Variants in TSSK3 observed in about 807,000 individuals in gnomAD.
TSSK3 encodes the protein testis-specific serine/threonine-protein kinase 3.
In TSSK3, 16 loss-of-function variants were observed where a neutral mutation model predicts 18.9. The observed-to-expected ratio is 0.85, with a 90% confidence interval of 0.57 to 1.28. The LOEUF is 1.28. TSSK3 is among the 50% of genes most tolerant of loss of function. The pLI is 0.00. For missense variants in TSSK3, 345 were observed against 341.0 expected, an observed-to-expected ratio of 1.01 and a Z score of -0.09; for synonymous variants, 146 against 133.9, an observed-to-expected ratio of 1.09 and a Z score of -0.62.
rs533051967 is a variant in TSSK3, at chr1:32,363,517, T to C, written c.146-78T>C. On this transcript the variant is annotated intron_variant, in intron 1 of 1. Coordinates refer to ENST00000373534, the MANE Select transcript of TSSK3 (RefSeq NM_052841.4). ...AAGACCCAGACAAGGTGGGCAGAAG[T>C]TGGAAGGCAGGAGACAGGTGTGAGG... 1.1e-4 allele frequency: 160 copies of C among 1,423,750 alleles called. No individual in the cohort carries two copies. The African/African-American group carries it at 1.9e-3, about 16-fold the overall frequency. The allele number at this position is 1,423,750 out of a possible 1,614,324, so 88.2% of individuals were successfully genotyped here. A position where few individuals can be genotyped will look rare whatever the true frequency, so the allele number is the denominator to read the frequency against.
In TSSK3 at chr1:32,363,592, C is replaced by G; in HGVS notation, c.146-3C>G. ...CCCATCTCTCCTCCCCTTACTTCCT[C>G]AGAGTTTATCCAGAGATTCCTCCCT... is the stretch of plus-strand genomic sequence containing the variant. On this transcript the variant is annotated splice_region_variant and splice_polypyrimidine_tract_variant and intron_variant, in intron 1 of 1. Coordinates refer to ENST00000373534, the MANE Select transcript of TSSK3 (RefSeq NM_052841.4). The G allele has an allele frequency of 3.7e-6, 6 of 1,605,438 alleles. No homozygotes were observed. The highest frequency in any genetic ancestry group is 5.1e-6 in the Non-Finnish European group (6 of 1,173,834).
Position 32,364,081 on chromosome 1 carries a change from A to T in TSSK3, c.632A>T (p.Asp211Val). ...YVMLCASLPF[D>V]DTDIPKMLWQ... ...ATGCTCTGTGCCAGCCTACCTTTTG[A>T]CGACACAGACATCCCCAAGATGCTG... Residue 211 changes from aspartate to valine, a missense_variant, in exon 2 of 2, where the codon GAC becomes GTC. By Grantham distance (152) the Asp-to-Val change is radical. Coordinates refer to ENST00000373534, the MANE Select transcript of TSSK3 (RefSeq NM_052841.4). 6.2e-7 allele frequency: 1 copy of T among 1,614,192 alleles called. No homozygotes were observed.
rs757567247 is a variant in TSSK3, at chr1:32,363,755, T to TG, written c.312dup (p.Pro105AlafsTer4). The TG allele has an allele frequency of 1.9e-5, 30 of 1,614,038 alleles. No homozygotes were observed. Among genetic ancestry groups the TG allele is most frequent in the Middle Eastern group, 3.3e-4 (2 of 6,084 alleles). ...GGGATGTCTTTGACTGCGTGCTGAA[T>TG]GGGGGGCCACTGCCTGAAAGCCGGG... On this transcript the variant is annotated frameshift_variant, in exon 2 of 2. Coordinates refer to ENST00000373534, the MANE Select transcript of TSSK3 (RefSeq NM_052841.4). LOFTEE classifies it high-confidence loss of function.
Position 32,362,768 on chromosome 1 carries a change from A to C in TSSK3, c.67A>C (p.Lys23Gln). 1 of 1,614,162 alleles carries C rather than the reference A, an allele frequency of 6.2e-7. No individual in the cohort carries two copies. Among genetic ancestry groups the C allele is most frequent in the Non-Finnish European group, 8.5e-7 (1 of 1,180,014 alleles). ...GKTIGEGTYSKVKEAFSKKHQ... is the reference protein window; with the variant it reads ...GKTIGEGTYSQVKEAFSKKHQ... ...GACCATTGGGGAAGGGACCTACTCA[A>C]AAGTCAAAGAAGCATTTTCCAAAAA... is the stretch of plus-strand genomic sequence containing the variant. The change falls in exon 1 of 2, where the codon AAA becomes CAA. Residue 23 changes from lysine to glutamine, a missense_variant. Lys to Gln is a moderately conservative substitution (Grantham distance 53, BLOSUM62 1). Coordinates refer to ENST00000373534, the MANE Select transcript of TSSK3 (RefSeq NM_052841.4).
chr1:32,362,848 T>G lies in TSSK3; in HGVS notation c.145+2T>G. The stretch of plus-strand genomic sequence containing the variant: ...TAGACAAGATGGGAGGGCCAGAAGG[T>G]GAGCCGGGGCCCCTTTGGAGGGAAG... On this transcript the variant is annotated splice_donor_variant, in intron 1 of 1. Transcript: ENST00000373534. LOFTEE classifies it high-confidence loss of function. 1 of 1,613,940 alleles carries G rather than the reference T, an allele frequency of 6.2e-7. No homozygotes were observed. The highest frequency in any genetic ancestry group is 8.5e-7 in the Non-Finnish European group (1 of 1,179,944).
chr1:32,364,142 T>C lies in TSSK3; in HGVS notation c.693T>C (p.His231=). ...QQQKGVSFPT[H]LSISADCQDL... is the part of the protein sequence containing the mutation. ...AGAAGGGGGTGTCCTTCCCCACTCATCTGAGCATCTCGGCCGATTGCCAGG... is the reference window on the plus strand; with the variant it reads ...AGAAGGGGGTGTCCTTCCCCACTCACCTGAGCATCTCGGCCGATTGCCAGG... Residue 231 remains histidine, a synonymous_variant, in exon 2 of 2, where the codon CAT becomes CAC. Transcript: ENST00000373534. 6.2e-7 allele frequency: 1 copy of C among 1,614,180 alleles called. No homozygotes were observed. The highest frequency in any genetic ancestry group is 8.5e-7 in the Non-Finnish European group (1 of 1,180,020).
intron 1 of TSSK3, 196 bp downstream of exon 1, chr1:32,363,042 C>G (rs1448542253): frequency 3.3e-6 from 2 of 606,132 alleles, no homozygotes; most frequent in East Asian, 2.8e-5. Context: ...TACACCCCCC[C>G]AGAATGCAAG....
At chr1:32,363,544 G>T in intron 1 of TSSK3, 51 bp from the exon 2 acceptor site, 1 of 1,552,656 alleles carries the variant, frequency 6.4e-7, no homozygotes, top group Non-Finnish European at 8.8e-7. Context: ...GGTGTGAGGA[G>T]GTGGGCCTTT....
intron 1 of TSSK3, 86 bp downstream of exon 1, chr1:32,362,932 G>C (rs1271079878): frequency 2.7e-6 from 4 of 1,505,298 alleles, no homozygotes; most frequent in Non-Finnish European, 3.7e-6. Flanking sequence ...ACGATCATTC[G>C]ATCATTCCCT....
rs1050603266 is a variant in TSSK3 at position 32,362,992 on chromosome 1, G to A, written c.145+146G>A. On this transcript the variant is annotated intron_variant, in intron 1 of 1. Coordinates refer to ENST00000373534, the MANE Select transcript of TSSK3 (RefSeq NM_052841.4). The stretch of plus-strand genomic sequence containing the variant: ...AAGCCCGATGGCAGCTCTGGAGTGG[G>A]TCAGTGGGGAACAGAGGGGTTCTGG... 5.5e-6 allele frequency: 5 copies of A among 911,832 alleles called. No homozygotes were observed. In the African/African-American group the frequency reaches 8.3e-5, roughly 15 times the overall value. 56.5% of individuals were successfully genotyped at this position (911,832 alleles called of 1,614,324 possible). A position where few individuals can be genotyped will look rare whatever the true frequency, so the allele number is the denominator to read the frequency against.
chr1:32,363,557 G>C (rs1162974070), intron 1 of TSSK3, 38 bp from the exon 2 acceptor site: 2 of 1,574,478 alleles, frequency 1.3e-6, no homozygotes, highest in Non-Finnish European at 8.7e-7. Flanking sequence ...GGGCCTTTCT[G>C]ATCTGCCAGC....
chr1:32,363,593 A>G lies in TSSK3; in HGVS notation c.146-2A>G, dbSNP rs1436798192. ...CCATCTCTCCTCCCCTTACTTCCTCAGAGTTTATCCAGAGATTCCTCCCTC... is the reference window on the plus strand; with the variant it reads ...CCATCTCTCCTCCCCTTACTTCCTCGGAGTTTATCCAGAGATTCCTCCCTC... On this transcript the variant is annotated splice_acceptor_variant, in intron 1 of 1. Transcript: ENST00000373534. LOFTEE classifies it high-confidence loss of function. 6.9e-6 allele frequency: 11 copies of G among 1,605,396 alleles called. No individual in the cohort carries two copies. The highest frequency in any genetic ancestry group is 9.4e-6 in the Non-Finnish European group (11 of 1,173,840).
intron 1 of TSSK3, chr1:32,363,180 G>A: frequency 2.8e-6 from 1 of 362,856 alleles, no homozygotes; most frequent in East Asian, 5.3e-5. Context: ...TGGTGCCAAG[G>A]CCCGTGGAGA....
At chr1:32,362,869 G>A in intron 1 of TSSK3, 23 bp downstream of exon 1, 1 of 1,613,366 alleles carries the variant, frequency 6.2e-7, no homozygotes, top group Non-Finnish European at 8.5e-7. Flanking sequence ...CCCTTTGGAG[G>A]GAAGGAGGGA....
rs748939375 is a variant in TSSK3 at position 32,363,669 on chromosome 1, T to C, written c.220T>C (p.Tyr74His). ...TLDHKNIIQVYEMLESADGKI... is the reference protein window; with the variant it reads ...TLDHKNIIQVHEMLESADGKI... ...GGACCACAAGAACATCATCCAGGTG[T>C]ATGAGATGCTGGAGTCTGCCGACGG... is the stretch of plus-strand genomic sequence containing the variant. The change falls in exon 2 of 2, where the codon TAT becomes CAT. Residue 74 changes from tyrosine to histidine, a missense_variant. By Grantham distance (83) the Tyr-to-His change is moderately conservative (BLOSUM62 2). Transcript: ENST00000373534. 9.9e-6 allele frequency: 16 copies of C among 1,614,152 alleles called. No homozygotes were observed. The highest frequency in any genetic ancestry group is 1.4e-5 in the Non-Finnish European group (16 of 1,180,010).
At chr1:32,362,909 C>G in intron 1 of TSSK3, 63 bp downstream of exon 1, 1 of 1,578,456 alleles carries the variant, frequency 6.3e-7, no homozygotes, top group Non-Finnish European at 8.7e-7. Context: ...GGTGCTTCCT[C>G]CTGTTTGTTA....
chr1:32,363,227 T>G, intron 1 of TSSK3: 1 of 347,226 alleles, frequency 2.9e-6, no homozygotes, highest in Admixed American at 4.3e-5. Flanking sequence ...GAAAGAATTG[T>G]GGGGTCAGGG....
Position 32,364,310 on chromosome 1 carries a change from A to G in TSSK3, c.*54A>G. On this transcript the variant is annotated 3_prime_UTR_variant, in exon 2 of 2. Transcript: ENST00000373534. ...AAGTAGGGGGAGAAAGCAAACCCAA[A>G]AACCCGCTTCTAAAATGGTGATATA... 6.7e-7 allele frequency: 1 copy of G among 1,503,480 alleles called. No individual in the cohort carries two copies. Among genetic ancestry groups the G allele is most frequent in the Non-Finnish European group, 8.9e-7 (1 of 1,125,402 alleles). The allele number at this position is 1,503,480 out of a possible 1,614,324, so 93.1% of individuals were successfully genotyped here.
Position 32,363,957 on chromosome 1 carries a change from T to A in TSSK3, c.508T>A (p.Cys170Ser), listed in dbSNP as rs376070172. 14 of 1,614,146 alleles carry A rather than the reference T, an allele frequency of 8.7e-6. No homozygotes were observed. The highest frequency in any genetic ancestry group is 2.7e-5 in the African/African-American group (2 of 74,960). The stretch of plus-strand genomic sequence containing the variant: ...ACACCGGGAGCTGAGCCAGACCTTC[T>A]GCGGCAGTACAGCCTATGCTGCCCC... ...KSHRELSQTF[C>S]GSTAYAAPEV... is the part of the protein sequence containing the mutation. The change falls in exon 2 of 2, where the codon TGC (cysteine) becomes AGC (serine). Residue 170 changes from cysteine (C) to serine (S), a missense_variant. Transcript: ENST00000373534.
Sources: allele counts gnomAD v4.1 joint callset, GRCh38; gene constraint gnomAD v4.1.1; transcripts MANE v1.5; gene names NCBI Gene and HGNC (gene_info 2026-07-23, HGNC 2026-07-21).